RB1CC1: variants seen among roughly 807,000 people sequenced by gnomAD.
RB1CC1 encodes the protein RB1-inducible coiled-coil protein 1.
RB1CC1 carries 46 observed loss-of-function variants against 177.5 expected under a neutral mutation model. The observed-to-expected ratio is 0.26, with a 90% CI of 0.20 to 0.33. The LOEUF is 0.33. Among genes scored for constraint, RB1CC1 ranks in the 10% least tolerant of loss-of-function variants. RB1CC1 has a pLI of 1.00. For missense variants in RB1CC1, 1,703 were observed against 1,816.3 expected (o/e 0.94, Z 1.13); for synonymous variants, 666 against 613.6 (o/e 1.09, Z -1.26).
At position 52,668,056 on chromosome 8, in the gene RB1CC1, C is replaced by A. The variant is rs753652403; in HGVS notation, c.1138G>T (p.Gly380Cys). The A allele has an allele frequency of 1.2e-6, 2 of 1,613,982 alleles. No individual in the cohort carries two copies. The highest frequency in any genetic ancestry group is 1.7e-6 in the Non-Finnish European group (2 of 1,179,904). Residue 380 changes from glycine (G) to cysteine (C), a missense_variant, in exon 8 of 24, where the codon GGC (glycine) becomes TGC (cysteine). Gly to Cys is a radical substitution (Grantham distance 159). This residue lies in a region of RB1CC1 where 315 missense variants were observed against 304.9 expected (regional missense o/e 1.03). Transcript: ENST00000025008. ...YALDQMIASC[G>C]RLVNEQKELA... Reference sequence around the variant, plus strand: ...TCTTTCTGTTCATTCACCAGTCGGCCACAGCTAGCAATCATCTGGTCCAGG... The same window carrying A: ...TCTTTCTGTTCATTCACCAGTCGGCAACAGCTAGCAATCATCTGGTCCAGG...
chr8:52,635,785 T>A (rs1009749832), intron 19 of RB1CC1, among the ~76,000 whole-genome samples: 1 of 152,126 alleles, frequency 6.6e-6, no homozygotes, highest in African/African-American at 2.4e-5. Flanking sequence ...ACAGACTTCA[T>A]TCATTGGGAA....
chr8:52,705,414 C>G (rs1298907007), intron 1 of RB1CC1, among the ~76,000 whole-genome samples: 1 of 152,134 alleles, frequency 6.6e-6, no homozygotes, highest in African/African-American at 2.4e-5. Context: ...CTACTTTTTA[C>G]CCTTCAGATT....
At chr8:52,650,369 G>A (rs1026440707) in intron 15 of RB1CC1, among the ~76,000 whole-genome samples, 3 of 152,190 alleles carry the variant, frequency 2.0e-5, no homozygotes, top group Admixed American at 6.6e-5. Flanking sequence ...TGTGAGATTC[G>A]TAAGAGACTT....
At chr8:52,650,182 T>C (rs1039602087) in intron 15 of RB1CC1, among the ~76,000 whole-genome samples, 2 of 152,224 alleles carry the variant, frequency 1.3e-5, no homozygotes, top group African/African-American at 4.8e-5. Context: ...TGTCCTCACA[T>C]AAGCATCTTT....
intron 15 of RB1CC1, among the ~76,000 whole-genome samples, chr8:52,654,047 C>T (rs889922114): frequency 6.6e-6 from 1 of 152,132 alleles, no homozygotes; most frequent in African/African-American, 2.4e-5. Context: ...CTACCATGTT[C>T]TTATTCAACA....
chr8:52,633,898 G>C (rs995013424), intron 20 of RB1CC1, among the ~76,000 whole-genome samples: 2 of 152,034 alleles, frequency 1.3e-5, no homozygotes, highest in Non-Finnish European at 2.9e-5. Flanking sequence ...AGACCAGCCT[G>C]GACAAGATGG....
rs951110269 is a variant in RB1CC1, at chr8:52,714,116, A to C, written c.-208T>G. On this transcript the variant is annotated 5_prime_UTR_variant, in exon 1 of 24. Transcript: ENST00000025008. ...CTTCGCCGGCGGCAGCAGCAGAGCC[A>C]GCGACCCCCGGCACCATCTTCCGCC... is the stretch of plus-strand genomic sequence containing the variant. 4 of 347,952 alleles carry C rather than the reference A, an allele frequency of 1.1e-5. No homozygotes were observed. The highest frequency in any genetic ancestry group is 3.5e-5 in the Admixed American group (1 of 28,482). 21.6% of individuals were successfully genotyped at this position (347,952 alleles called of 1,614,324 possible).
At position 52,634,918 on chromosome 8, in the gene RB1CC1, T is replaced by C; in HGVS notation, c.4440+3A>G. The stretch of plus-strand genomic sequence containing the variant: ...ACCAATTTACCAAGAAGAAAAATCT[T>C]ACCAGTCTTTGATTTAACCGTTTAT... On this transcript the variant is annotated splice_donor_region_variant and intron_variant, in intron 20 of 23. Coordinates refer to ENST00000025008, the MANE Select transcript of RB1CC1 (RefSeq NM_014781.5). 1 of 1,596,196 alleles carries C rather than the reference T, an allele frequency of 6.3e-7. No individual in the cohort carries two copies.
At chr8:52,677,156 C>T (rs1853207890) in intron 5 of RB1CC1, among the ~76,000 whole-genome samples, 1 of 151,904 alleles carries the variant, frequency 6.6e-6, no homozygotes, top group Admixed American at 6.6e-5. Flanking sequence ...TAAAGAAGTC[C>T]ACTGTTATAA....
chr8:52,634,941 T>G lies in RB1CC1; in HGVS notation c.4420A>C (p.Lys1474Gln). The change falls in exon 20 of 24, where the codon AAA (lysine) becomes CAA (glutamine). Residue 1474 changes from lysine (K) to glutamine (Q), a missense_variant. Around this residue, in one of 6 missense-constraint regions of RB1CC1, gnomAD observed 1,169 missense variants for 1,184.7 expected, o/e 0.99. Transcript: ENST00000025008. ...CTTACCAGTCTTTGATTTAACCGTT[T>G]ATTTTCTTCTTCTTTCAATTGCAAT... Reference protein sequence around the residue: ...RTLQLKEEENKRLNQRLMSQS... With the variant: ...RTLQLKEEENQRLNQRLMSQS... 1 of 1,610,050 alleles carries G rather than the reference T, an allele frequency of 6.2e-7. No homozygotes were observed. Among genetic ancestry groups the G allele is most frequent in the South Asian group, 1.1e-5 (1 of 90,548 alleles).
At position 52,656,916 on chromosome 8, in the gene RB1CC1, CT is replaced by C. The variant is rs1344967964; in HGVS notation, c.2912del (p.Glu971GlyfsTer6). On this transcript the variant is annotated frameshift_variant, in exon 15 of 24. Transcript: ENST00000025008. LOFTEE classifies it high-confidence loss of function. Reference protein sequence around the residue: ...DLKKLHVENDEKLQLLRAELQ... With the variant: ...DLKKLHVENDXKLQLLRAELQ... ...GTTCTGCCCTCAATAACTGTAACTT[CT>C]CATCATTTTCAACATGGAGCTTTTT... 6.2e-7 allele frequency: 1 copy of C among 1,613,250 alleles called. No individual in the cohort carries two copies. Among genetic ancestry groups the C allele is most frequent in the Admixed American group, 1.7e-5 (1 of 59,996 alleles).
intron 6 of RB1CC1, among the ~76,000 whole-genome samples, chr8:52,675,644 G>A (rs1353703514): frequency 1.5e-4 from 22 of 151,100 alleles, no homozygotes; most frequent in South Asian, 1.3e-3. Context: ...GCCAAGGCGG[G>A]TGGATCATGA....
chr8:52,697,478 A>T (rs1382957034), intron 1 of RB1CC1, among the ~76,000 whole-genome samples: 1 of 152,182 alleles, frequency 6.6e-6, no homozygotes, highest in East Asian at 1.9e-4. Flanking sequence ...ATACTAAAGA[A>T]TTAGAATTAC....
chr8:52,665,898 T>G (rs561712938), intron 8 of RB1CC1, among the ~76,000 whole-genome samples: 4 of 152,290 alleles, frequency 2.6e-5, no homozygotes, highest in South Asian at 2.1e-4. Flanking sequence ...AAATTAAAAG[T>G]TGAAGACCAG....
intron 15 of RB1CC1, among the ~76,000 whole-genome samples, chr8:52,650,912 T>A (rs899005460): frequency 4.6e-5 from 7 of 152,314 alleles, no homozygotes; most frequent in African/African-American, 1.7e-4. Context: ...TCAGTGTCCC[T>A]TCACTTGAGG....
At chr8:52,704,898 CCTT>C (rs1398846245) in intron 1 of RB1CC1, among the ~76,000 whole-genome samples, 6 of 152,144 alleles carry the variant, frequency 3.9e-5, no homozygotes, top group South Asian at 2.1e-4. Flanking sequence ...TATATAAAGT[CCTT>C]CTTAACTTTT....
Position 52,658,940 on chromosome 8 carries a change from C to G in RB1CC1, c.1726G>C (p.Asp576His). 6.3e-7 allele frequency: 1 copy of G among 1,580,142 alleles called. No homozygotes were observed. Among genetic ancestry groups the G allele is most frequent in the Non-Finnish European group, 8.6e-7 (1 of 1,164,166 alleles). The change falls in exon 13 of 24, where the codon GAT becomes CAT. Residue 576 changes from aspartate to histidine, a missense_variant. Asp to His is a moderately conservative substitution (Grantham distance 81, BLOSUM62 -1). Transcript: ENST00000025008. ...AACTGTAAATCTTTTAATGAAATAT[C>G]TGGAAGTTCACAGTCAAACTTTCGA... ...KPRKFDCELP[D>H]ISLKDLQFLQ... is the part of the protein sequence containing the mutation.
Position 52,656,827 on chromosome 8 carries a change from TG to T in RB1CC1, c.3001del (p.Gln1001LysfsTer7). 1 of 1,613,848 alleles carries T rather than the reference TG, an allele frequency of 6.2e-7. No homozygotes were observed. The highest frequency in any genetic ancestry group is 8.5e-7 in the Non-Finnish European group (1 of 1,179,978). ...GTCTGTCATAACCTTCTCAAACTCT[TG>T]TATGTGCCTAACCTGAAGTGTGTCC... ...LEDTLQVRHI[Q>X]EFEKVMTDHR... On this transcript the variant is annotated frameshift_variant, in exon 15 of 24. Transcript: ENST00000025008. LOFTEE classifies it high-confidence loss of function.
At chr8:52,628,900 C>A (rs1848574073) in intron 21 of RB1CC1, among the ~76,000 whole-genome samples, 1 of 152,146 alleles carries the variant, frequency 6.6e-6, no homozygotes, top group Admixed American at 6.5e-5. Flanking sequence ...CTTTTAATGT[C>A]TTTTATTTAT....
Sources: allele counts gnomAD v4.1 joint callset (sites outside exome capture counted in the v4.1 genomes callset), GRCh38; gene constraint gnomAD v4.1.1; regional missense constraint gnomAD v4.1.1; transcripts MANE v1.5; gene names NCBI Gene and HGNC (gene_info 2026-07-23, HGNC 2026-07-21).